The following STK32C variants were observed in gnomAD, a reference collection of about 807,000 sequenced individuals.
STK32C encodes the protein serine/threonine kinase 32C, also known as serine/threonine-protein kinase 32C.
Under a neutral mutation model 56.5 loss-of-function variants are expected in STK32C, and 31 were observed. The ratio of observed to expected loss-of-function variants is 0.55; its 90% CI spans 0.41 to 0.74. The LOEUF (loss-of-function observed/expected upper bound fraction) is 0.74. Among genes scored for constraint, STK32C ranks in the 30% least tolerant of loss-of-function variants. The pLI, the probability that STK32C is intolerant of heterozygous loss-of-function variation, is 0.00. For missense variants in STK32C, 544 were observed against 676.9 expected, an observed-to-expected ratio of 0.80 and a Z score of 2.18; for synonymous variants, 309 against 289.4, an observed-to-expected ratio of 1.07 and a Z score of -0.69.
chr10:132,330,602 G>A, intron 1 of STK32C: 1 of 694,162 alleles, frequency 1.4e-6, no homozygotes, highest in African/African-American at 1.8e-5. Context: ...CAAAATCCTA[G>A]GTTCAAGCGA....
At chr10:132,330,531 A>G in intron 1 of STK32C, 1 of 716,492 alleles carries the variant, frequency 1.4e-6, no homozygotes, top group East Asian at 2.7e-5. Flanking sequence ...TTTTTTTGAG[A>G]CAGGGTCTCG....
intron 1 of STK32C, among the ~76,000 whole-genome samples, chr10:132,275,020 C>A (rs2064954659): frequency 6.6e-6 from 1 of 152,210 alleles, no homozygotes; most frequent in Admixed American, 6.5e-5. Flanking sequence ...GGGCCCAGCA[C>A]CATGGCACAG....
chr10:132,221,607 G>A (rs2062656664), intron 10 of STK32C, among the ~76,000 whole-genome samples: 1 of 142,656 alleles, frequency 7.0e-6, no homozygotes, highest in African/African-American at 2.7e-5. Context: ...GTGAGTGTGA[G>A]GGCTTCAGAT....
chr10:132,302,011 T>C (rs984683664), intron 1 of STK32C, among the ~76,000 whole-genome samples: 4 of 152,202 alleles, frequency 2.6e-5, no homozygotes, highest in Admixed American at 1.3e-4. Context: ...GCTGGAAATG[T>C]GGGCTCCTGG....
At chr10:132,224,705 G>A (rs774834593) in intron 7 of STK32C, among the ~76,000 whole-genome samples, 182 bp from the exon 8 acceptor site, 42 of 152,026 alleles carry the variant, frequency 2.8e-4, no homozygotes, top group Non-Finnish European at 5.2e-4. Context: ...TAAAGCTTAC[G>A]CCTGGGTCCT....
chr10:132,226,302 CT>C (rs1195765322), intron 4 of STK32C, among the ~76,000 whole-genome samples: 2 of 152,256 alleles, frequency 1.3e-5, no homozygotes, highest in African/African-American at 4.8e-5. Context: ...GAATTTCAGC[CT>C]AATTTCTGCT....
intron 1 of STK32C, among the ~76,000 whole-genome samples, chr10:132,296,588 GGTT>G (rs1390400780): frequency 6.6e-6 from 1 of 152,106 alleles, no homozygotes; most frequent in African/African-American, 2.4e-5. Context: ...AACTACAAAT[GGTT>G]GTTTATCAGT....
At chr10:132,232,632 A>G (rs10870273) in intron 2 of STK32C, among the ~76,000 whole-genome samples, 109,629 of 151,968 alleles carry the variant, frequency 0.72, 39,781 homozygotes, top group Admixed American at 0.79. Context: ...GCCCAAAGAG[A>G]AAATGGAGTT....
chr10:132,331,722 G>A (rs2066756589), exon 1 of STK32C: 2 of 1,612,536 alleles, frequency 1.2e-6, no homozygotes, highest in Non-Finnish European at 1.7e-6. Flanking sequence ...CGGCTCCCCA[G>A]ACGGCACTTA....
At chr10:132,223,486 C>A (rs773835437) in intron 8 of STK32C, among the ~76,000 whole-genome samples, 1 of 152,242 alleles carries the variant, frequency 6.6e-6, no homozygotes, top group African/African-American at 2.4e-5. Context: ...ACCCAGACCC[C>A]GTGCGAGGTT....
downstream of STK32C, among the ~76,000 whole-genome samples, chr10:132,319,451 G>A (rs1486817235): frequency 6.6e-6 from 1 of 152,146 alleles, no homozygotes; most frequent in Non-Finnish European, 1.5e-5. Context: ...CTGGTGAACA[G>A]ATAAACAAAT....
intron 10 of STK32C, 155 bp from the exon 11 acceptor site, chr10:132,209,256 C>T: frequency 1.4e-6 from 1 of 735,338 alleles, no homozygotes; most frequent in Non-Finnish European, 2.4e-6. Flanking sequence ...CTCCAGCAGC[C>T]AGACTGCCCG....
upstream of STK32C, among the ~76,000 whole-genome samples, chr10:132,308,206 G>C (rs2066145751): frequency 6.6e-6 from 1 of 152,112 alleles, no homozygotes; most frequent in South Asian, 2.1e-4. Flanking sequence ...GCTGTGGTTC[G>C]CCGGGACACG....
intron 10 of STK32C, among the ~76,000 whole-genome samples, chr10:132,215,761 G>A (rs1421802884): frequency 6.6e-6 from 1 of 152,200 alleles, no homozygotes; most frequent in South Asian, 2.1e-4. Context: ...TTAGAACTGG[G>A]TAATAGGCAG....
chr10:132,274,679 G>A (rs574908458), intron 1 of STK32C, among the ~76,000 whole-genome samples: 78 of 152,312 alleles, frequency 5.1e-4, no homozygotes, highest in Admixed American at 8.5e-4. Flanking sequence ...GGGCCTGTCT[G>A]CAGAATAAAC....
chr10:132,308,303 G>A (rs963369895), upstream of STK32C, among the ~76,000 whole-genome samples: 22 of 152,168 alleles, frequency 1.4e-4, no homozygotes, highest in Non-Finnish European at 3.1e-4. Flanking sequence ...CCGGAGGTCG[G>A]CGTCCCTGGC....
chr10:132,243,403 G>T (rs920176116), intron 2 of STK32C, among the ~76,000 whole-genome samples: 1 of 152,140 alleles, frequency 6.6e-6, no homozygotes, highest in African/African-American at 2.4e-5. Context: ...GTGGAGAGTG[G>T]GCTGGACGGA....
rs755014261 is a variant in STK32C at position 132,222,799 on chromosome 10, G to A, written c.1120-27C>T. The A allele has an allele frequency of 6.7e-5, 107 of 1,591,726 alleles. No homozygotes were observed. The Admixed American group carries it at 1.3e-3, about 20-fold the overall frequency. ...TACAGAGGGATGGGTGCTGAGCCCCGGCCCGTGGAGGACGCCACATCCATC... is the reference window on the plus strand; with the variant it reads ...TACAGAGGGATGGGTGCTGAGCCCCAGCCCGTGGAGGACGCCACATCCATC... On this transcript the variant is annotated intron_variant, in intron 9 of 11. Coordinates refer to ENST00000298630, the MANE Select transcript of STK32C (RefSeq NM_173575.4).
At chr10:132,279,707 C>CAACACTCCACTCCGTGATCAT (rs1564771436) in intron 1 of STK32C, among the ~76,000 whole-genome samples, 1 of 146,948 alleles carries the variant, frequency 6.8e-6, no homozygotes, top group African/African-American at 2.6e-5. Flanking sequence ...TCCGTGATCA[C>CAACACTCCACTCCGTGATCAT]GACACTCCAC....
Sources: allele counts gnomAD v4.1 joint callset (sites outside exome capture counted in the v4.1 genomes callset), GRCh38; gene constraint gnomAD v4.1.1; transcripts MANE v1.5; gene names NCBI Gene and HGNC (gene_info 2026-07-23, HGNC 2026-07-21).